CDH4: variants seen among roughly 807,000 people sequenced by gnomAD.
The protein encoded by CDH4 is cadherin 4.
CDH4 carries 33 observed loss-of-function variants against 86.0 expected under a neutral mutation model. The observed-to-expected ratio is 0.38, with a 90% CI of 0.29 to 0.51. The LOEUF is 0.51. Ranked by LOEUF, CDH4 falls within the 20% of genes least tolerant of loss-of-function variation. The pLI is 0.86. For synonymous variants in CDH4, 555 were observed against 549.4 expected (o/e 1.01, Z -0.14); for missense variants, 1,114 against 1,307.4 (o/e 0.85, Z 2.28).
intron 2 of CDH4, among the ~76,000 whole-genome samples, chr20:61,465,985 A>C (rs2085469699): frequency 6.6e-6 from 1 of 151,876 alleles, no homozygotes; most frequent in Non-Finnish European, 1.5e-5. Flanking sequence ...CATCTTGTTT[A>C]GAATGGCCAG....
chr20:61,370,770 T>A (rs909894940), intron 2 of CDH4: 1 of 152,234 alleles, frequency 6.6e-6, no homozygotes, highest in African/African-American at 2.4e-5. Context: ...AGCTTTTTAA[T>A]GAGAGTACAC....
At chr20:61,282,979 T>C (rs111212430) in intron 2 of CDH4, among the ~76,000 whole-genome samples, 4 of 37,356 alleles carry the variant, frequency 1.1e-4, no homozygotes, top group African/African-American at 3.2e-4. Context: ...ACGCGCGTGC[T>C]GTGGCGTGTG....
chr20:61,460,503 C>T (rs2085436113), intron 2 of CDH4, among the ~76,000 whole-genome samples: 2 of 152,186 alleles, frequency 1.3e-5, no homozygotes, highest in Admixed American at 1.3e-4. Context: ...CCGGCCTCAC[C>T]TGCCGCTGGA....
At chr20:61,533,485 T>G (rs2085971544) in intron 2 of CDH4, among the ~76,000 whole-genome samples, 2 of 152,208 alleles carry the variant, frequency 1.3e-5, no homozygotes, top group South Asian at 4.1e-4. Flanking sequence ...AAGACCCGCG[T>G]GGCCTGAGAG....
chr20:61,453,841 G>A (rs1355809431), intron 2 of CDH4, among the ~76,000 whole-genome samples: 5 of 152,128 alleles, frequency 3.3e-5, no homozygotes, highest in African/African-American at 4.8e-5. Flanking sequence ...ATTGAATCAT[G>A]GGGGCAGTGA....
intron 2 of CDH4, among the ~76,000 whole-genome samples, chr20:61,396,074 G>A (rs896870447): frequency 6.6e-6 from 1 of 152,168 alleles, no homozygotes; most frequent in Non-Finnish European, 1.5e-5. Flanking sequence ...TTTTATTGGC[G>A]CTCAGGCCCA....
intron 2 of CDH4, among the ~76,000 whole-genome samples, chr20:61,344,899 C>T (rs1295302336): frequency 1.3e-5 from 2 of 152,322 alleles, no homozygotes; most frequent in East Asian, 3.9e-4. Context: ...GGCTTTGCGT[C>T]CTTTGAAACA....
At chr20:61,336,436 C>T (rs560824868) in intron 2 of CDH4, among the ~76,000 whole-genome samples, 40 of 152,276 alleles carry the variant, frequency 2.6e-4, no homozygotes, top group African/African-American at 9.4e-4. Context: ...ACCACCACCA[C>T]GACCATGCTT....
At chr20:61,498,209 TAAAA>T (rs112703046) in intron 2 of CDH4, among the ~76,000 whole-genome samples, 1 of 144,510 alleles carries the variant, frequency 6.9e-6, no homozygotes, top group African/African-American at 2.5e-5. Flanking sequence ...AGTATAATAA[TAAAA>T]AAAAAAGGCC....
rs2085536865 is a variant in CDH4, at chr20:61,476,526, A to G, written c.169+221589A>G. On this transcript the variant is annotated intron_variant, in intron 2 of 15. Coordinates refer to ENST00000614565, the MANE Select transcript of CDH4 (RefSeq NM_001794.5). ...GCTATGGGGTAGGTTGTACCTCCAC[A>G]TTACAGCCCTGGAACCTGGGGCTGG... Among the ~76,000 whole-genome samples, 3 of 152,344 alleles carry G rather than the reference A, an allele frequency of 2.0e-5. No individual in the cohort carries two copies. The South Asian group carries it at 6.2e-4, about 32-fold the overall frequency.
intron 3 of CDH4, among the ~76,000 whole-genome samples, chr20:61,744,193 A>C (rs1006951696): frequency 2.0e-5 from 3 of 152,182 alleles, no homozygotes; most frequent in African/African-American, 7.2e-5. Context: ...GCAAGCGGAG[A>C]CTGTGTGGTT....
At chr20:61,483,470 C>T (rs1439508972) in intron 2 of CDH4, among the ~76,000 whole-genome samples, 9 of 152,320 alleles carry the variant, frequency 5.9e-5, no homozygotes, top group East Asian at 1.9e-4. Flanking sequence ...TGTCTGTGCA[C>T]GCCCATTGAG....
chr20:61,685,476 C>T (rs530997948), intron 2 of CDH4, among the ~76,000 whole-genome samples: 39 of 152,354 alleles, frequency 2.6e-4, no homozygotes, highest in African/African-American at 9.1e-4. Context: ...TTCATCTCCC[C>T]TGCGGAGAGT....
chr20:61,801,410 G>A lies in CDH4; in HGVS notation c.576+28228G>A, dbSNP rs373194372. Among the ~76,000 whole-genome samples, 9 of 152,288 alleles carry A rather than the reference G, an allele frequency of 5.9e-5. 1 individual carries two copies. The highest frequency in any genetic ancestry group is 1.9e-4 in the East Asian group (1 of 5,178). On this transcript the variant is annotated intron_variant, in intron 4 of 15. Transcript: ENST00000614565. Reference sequence around the variant, plus strand: ...CCTCAGAGTTCTGAGACGTCATCCCGAAGCCACCTGTCCTCTTCTTTGTGT... The same window carrying A: ...CCTCAGAGTTCTGAGACGTCATCCCAAAGCCACCTGTCCTCTTCTTTGTGT...
intron 7 of CDH4, among the ~76,000 whole-genome samples, chr20:61,875,538 G>C (rs772413565): frequency 4.5e-4 from 69 of 152,290 alleles, no homozygotes; most frequent in Non-Finnish European, 9.1e-4. Flanking sequence ...CAGCGTGAGG[G>C]CTGGCACGGA....
intron 2 of CDH4, among the ~76,000 whole-genome samples, chr20:61,353,221 G>A (rs1431910058): frequency 6.6e-6 from 1 of 152,118 alleles, no homozygotes; most frequent in Non-Finnish European, 1.5e-5. Flanking sequence ...TGGAGGCAAA[G>A]CTTAGTTGGT....
At chr20:61,306,019 G>A (rs1053543824) in intron 2 of CDH4, among the ~76,000 whole-genome samples, 5 of 152,154 alleles carry the variant, frequency 3.3e-5, no homozygotes, top group Non-Finnish European at 7.3e-5. Context: ...TTATGGCACA[G>A]CCAGGCCCTC....
chr20:61,275,855 A>C (rs547110930), intron 2 of CDH4, among the ~76,000 whole-genome samples: 2 of 152,236 alleles, frequency 1.3e-5, no homozygotes, highest in Admixed American at 1.3e-4. Flanking sequence ...TGCACTGTTA[A>C]TCTCAACTTG....
intron 4 of CDH4, among the ~76,000 whole-genome samples, chr20:61,819,935 G>A (rs868079596): frequency 2.0e-5 from 3 of 152,168 alleles, no homozygotes; most frequent in Non-Finnish European, 4.4e-5. Context: ...CTGATCCCGC[G>A]ACCTTGAGCT....
Sources: allele counts gnomAD v4.1 joint callset (sites outside exome capture counted in the v4.1 genomes callset), GRCh38; gene constraint gnomAD v4.1.1; transcripts MANE v1.5; gene names NCBI Gene and HGNC (gene_info 2026-07-23, HGNC 2026-07-21).